Variants in CTNNA2 observed in about 807,000 individuals in gnomAD.
CTNNA2 encodes the protein catenin alpha-2.
Under a neutral mutation model 101.0 loss-of-function variants are expected in CTNNA2, and 42 were observed. That is an observed-to-expected ratio of 0.42 (90% CI 0.32 to 0.54). The LOEUF (loss-of-function observed/expected upper bound fraction) is 0.54, where lower values mean the gene tolerates loss of function less well. Ranked by LOEUF, CTNNA2 falls within the 20% of genes least tolerant of loss-of-function variation. The pLI, the probability that CTNNA2 is intolerant of heterozygous loss-of-function variation, is 0.14. For missense variants in CTNNA2, 871 were observed against 1,223.1 expected (o/e 0.71, Z 4.29); for synonymous variants, 450 against 456.4 (o/e 0.99, Z 0.18).
intron 7 of CTNNA2, among the ~76,000 whole-genome samples, chr2:79,920,684 GCTT>G (rs1686591965): frequency 6.6e-6 from 1 of 152,082 alleles, no homozygotes; most frequent in African/African-American, 2.4e-5. Context: ...ACTATGCTTG[GCTT>G]CTTCATGACT....
intron 4 of CTNNA2, among the ~76,000 whole-genome samples, chr2:79,466,384 C>G (rs920729390): frequency 6.6e-6 from 1 of 152,206 alleles, no homozygotes; most frequent in Admixed American, 6.5e-5. Flanking sequence ...AGCCTGGAAG[C>G]TCGAACTGGG....
chr2:79,231,293 G>A (rs1456281903), intron 2 of CTNNA2, among the ~76,000 whole-genome samples: 4 of 152,136 alleles, frequency 2.6e-5, no homozygotes, highest in African/African-American at 9.7e-5. Context: ...TCCTTCCTGT[G>A]CTATTCCTGT....
At chr2:79,744,685 C>T (rs918399234) in intron 3 of CTNNA2, 103 bp downstream of exon 3, 16 of 1,115,874 alleles carry the variant, frequency 1.4e-5, no homozygotes, top group African/African-American at 3.2e-5. Flanking sequence ...AGAAGTCTTA[C>T]GTTTTTTTCC....
At chr2:79,224,096 A>T (rs983103358) in intron 2 of CTNNA2, among the ~76,000 whole-genome samples, 2 of 152,220 alleles carry the variant, frequency 1.3e-5, no homozygotes, top group African/African-American at 4.8e-5. Flanking sequence ...TTGCACTTCT[A>T]TCAATTTCTT....
intron 2 of CTNNA2, among the ~76,000 whole-genome samples, chr2:79,734,851 C>T (rs927053205): frequency 1.3e-5 from 2 of 152,044 alleles, no homozygotes; most frequent in African/African-American, 2.4e-5. Flanking sequence ...TATCAATTTC[C>T]TTGGTAATGA....
chr2:79,309,804 G>T lies in CTNNA2; in HGVS notation c.-405-2905G>T, dbSNP rs149719300. Among the ~76,000 whole-genome samples the T allele has an allele frequency of 1.5e-3, 223 of 152,192 alleles. 4 individuals are homozygous for T. In the East Asian group the frequency reaches 0.041, roughly 28 times the overall value. The stretch of plus-strand genomic sequence containing the variant: ...TGGTCTGCTGGTGCCTAGTACAGAA[G>T]CTTGATCCAAAACAATGGCCCACTA... On this transcript the variant is annotated intron_variant, in intron 2 of 21. Coordinates refer to the CTNNA2 transcript ENST00000466387.
intron 7 of CTNNA2, among the ~76,000 whole-genome samples, chr2:80,233,824 A>G (rs1163486508): frequency 6.6e-6 from 1 of 152,202 alleles, no homozygotes; most frequent in Non-Finnish European, 1.5e-5. Context: ...ACTTTGGGTT[A>G]ATAGCTTTGA....
chr2:80,156,552 G>C (rs757446284), intron 7 of CTNNA2, among the ~76,000 whole-genome samples: 3 of 152,364 alleles, frequency 2.0e-5, no homozygotes, highest in African/African-American at 4.8e-5. Context: ...GGAGAAAAAG[G>C]TAGGTTGGTT....
intron 1 of CTNNA2, among the ~76,000 whole-genome samples, chr2:79,526,406 C>A (rs1321033344): frequency 2.7e-5 from 4 of 150,528 alleles, no homozygotes; most frequent in Non-Finnish European, 5.9e-5. Context: ...GTTAATAAGG[C>A]AAATTGATTT....
intron 7 of CTNNA2, chr2:80,288,877 C>T (rs1277313512): frequency 6.6e-6 from 1 of 152,216 alleles, no homozygotes; most frequent in Non-Finnish European, 1.5e-5. Context: ...CAGCAGGCTG[C>T]TCGCTGCTGA....
intron 6 of CTNNA2, among the ~76,000 whole-genome samples, chr2:79,889,843 T>C (rs1177848304): frequency 6.6e-6 from 1 of 152,184 alleles, no homozygotes; most frequent in African/African-American, 2.4e-5. Flanking sequence ...TATTATAATG[T>C]CATTTGCTCT....
Position 80,116,857 on chromosome 2 carries a change from A to T in CTNNA2, c.1056+207060A>T, listed in dbSNP as rs17018638. Among the ~76,000 whole-genome samples, 504 of 151,526 alleles carry T rather than the reference A, an allele frequency of 3.3e-3. 1 individual carries two copies. Among genetic ancestry groups the T allele is most frequent in the African/African-American group, 0.011 (453 of 41,250 alleles). On this transcript the variant is annotated intron_variant, in intron 7 of 18. Coordinates refer to ENST00000402739, the MANE Select transcript of CTNNA2 (RefSeq NM_001282597.3). The stretch of plus-strand genomic sequence containing the variant: ...GTAGATACAACTGTGGAAAGCACTA[A>T]TACATGCCTAATCCAATCCCAGAGA...
At chr2:79,948,739 C>T (rs970537083) in intron 7 of CTNNA2, among the ~76,000 whole-genome samples, 7 of 152,116 alleles carry the variant, frequency 4.6e-5, no homozygotes, top group African/African-American at 1.2e-4. Flanking sequence ...GAGGCCGAGG[C>T]GGGCGGATCA....
chr2:79,447,308 G>A (rs1200065325), intron 4 of CTNNA2, among the ~76,000 whole-genome samples: 1 of 151,736 alleles, frequency 6.6e-6, no homozygotes, highest in African/African-American at 2.4e-5. Context: ...TCACTGAAAG[G>A]ACGTTAGCCT....
At chr2:79,427,617 A>G (rs897998809) in intron 4 of CTNNA2, among the ~76,000 whole-genome samples, 2 of 133,850 alleles carry the variant, frequency 1.5e-5, no homozygotes, top group Non-Finnish European at 3.3e-5. Context: ...TTCTTTCTTT[A>G]ATATTAAAAA....
chr2:79,872,033 C>T (rs918250638), intron 5 of CTNNA2, among the ~76,000 whole-genome samples: 1 of 152,186 alleles, frequency 6.6e-6, no homozygotes, highest in Non-Finnish European at 1.5e-5. Flanking sequence ...CTACCACCCA[C>T]AAAGAATATG....
Position 79,930,312 on chromosome 2 carries a change from G to GAAAGAAAGAAAGAA in CTNNA2, c.1056+20517_1056+20530dup, listed in dbSNP as rs1553406907. ...AGAGAAAGAGAAAGAAAGAAAGAAAGAAAGAAAGAAAGAAAGAAAGAAAGA... is the reference window on the plus strand; with the variant it reads ...AGAGAAAGAGAAAGAAAGAAAGAAAGAAAGAAAGAAAGAAAAAGAAAGAAAGAAAGAAAGAAAGA... On this transcript the variant is annotated intron_variant, in intron 7 of 18. Transcript: ENST00000402739. Among the ~76,000 whole-genome samples the GAAAGAAAGAAAGAA allele has an allele frequency of 2.7e-3, 329 of 123,394 alleles. 9 individuals carry two copies. The highest frequency in any genetic ancestry group is 0.01 in the African/African-American group (306 of 29,746). 81.0% of individuals were successfully genotyped at this position (123,394 alleles called of 152,430 possible). A position where few individuals can be genotyped will look rare whatever the true frequency, so the allele number is the denominator to read the frequency against.
intron 7 of CTNNA2, among the ~76,000 whole-genome samples, chr2:80,064,634 G>A (rs1697848404): frequency 6.6e-6 from 1 of 152,182 alleles, no homozygotes; most frequent in East Asian, 1.9e-4. Context: ...TTGGTCAATG[G>A]CACGTCATTT....
chr2:79,619,853 T>A (rs1372711174), intron 1 of CTNNA2, among the ~76,000 whole-genome samples: 1 of 152,156 alleles, frequency 6.6e-6, no homozygotes, highest in Non-Finnish European at 1.5e-5. Flanking sequence ...AGATATGCGG[T>A]CTTCTTACAA....
Sources: gnomAD v4.1 joint callset for allele counts (sites outside exome capture counted in the v4.1 genomes callset) on GRCh38, gnomAD v4.1.1 for gene constraint, MANE v1.5 for transcripts, NCBI Gene and HGNC (gene_info 2026-07-23, HGNC 2026-07-21) for gene names.